The following APLP2 variants were observed in gnomAD, a reference collection of about 807,000 sequenced individuals.
APLP2 encodes the protein CDEI box-binding protein.
APLP2 carries 53 observed loss-of-function variants against 89.9 expected under a neutral mutation model. That is an observed-to-expected ratio of 0.59 (90% CI 0.47 to 0.74). APLP2 has a LOEUF of 0.74. Ranked by LOEUF, APLP2 falls within the 30% of genes least tolerant of loss-of-function variation. The pLI, the probability that APLP2 is intolerant of heterozygous loss-of-function variation, is 0.00. For synonymous variants in APLP2, 372 were observed against 348.6 expected, an observed-to-expected ratio of 1.07 and a Z score of -0.75; for missense variants, 973 against 975.9, an observed-to-expected ratio of 1.00 and a Z score of 0.04.
At chr11:130,140,212 CCT>C (rs1366841519) in intron 13 of APLP2, among the ~76,000 whole-genome samples, 184 bp from the exon 14 acceptor site, 3 of 152,196 alleles carry the variant, frequency 2.0e-5, no homozygotes, top group Admixed American at 2.0e-4. Flanking sequence ...TCTGCAAATG[CCT>C]GTCTCATTCA....
chr11:130,135,479 G>A lies in APLP2; in HGVS notation c.1685-84G>A, dbSNP rs755129884. ...AGGCAGGAACTGGGAGCCACAGTGGGGTCTTGGAGCTCTAGAGCATCCTGT... is the reference window on the plus strand; with the variant it reads ...AGGCAGGAACTGGGAGCCACAGTGGAGTCTTGGAGCTCTAGAGCATCCTGT... On this transcript the variant is annotated intron_variant, in intron 12 of 16. Transcript: ENST00000338167. 2.2e-5 allele frequency: 32 copies of A among 1,455,046 alleles called. 1 individual carries two copies. Among genetic ancestry groups the A allele is most frequent in the Non-Finnish European group, 2.6e-5 (28 of 1,068,110 alleles). The allele number at this position is 1,455,046 out of a possible 1,614,324, so 90.1% of individuals were successfully genotyped here. A position where few individuals can be genotyped will look rare whatever the true frequency, so the allele number is the denominator to read the frequency against.
intron 5 of APLP2, 119 bp from the exon 6 acceptor site, chr11:130,122,186 A>G: frequency 8.2e-7 from 1 of 1,212,446 alleles, no homozygotes. Flanking sequence ...GCACGGTGAA[A>G]TGTGCGTTGA....
intron 16 of APLP2, among the ~76,000 whole-genome samples, chr11:130,142,695 C>G (rs967957446): frequency 6.6e-6 from 1 of 152,116 alleles, no homozygotes; most frequent in Non-Finnish European, 1.5e-5. Flanking sequence ...CGCACTGCAA[C>G]CTCTGTCTCC....
chr11:130,140,524 G>A, intron 14 of APLP2, 41 bp downstream of exon 14: 2 of 1,535,060 alleles, frequency 1.3e-6, no homozygotes, highest in Non-Finnish European at 1.8e-6. Context: ...CTTTACTTTT[G>A]AGACTCATTA....
intron 1 of APLP2, chr11:130,070,462 G>C: frequency 5.2e-6 from 5 of 956,982 alleles, no homozygotes; most frequent in Non-Finnish European, 6.6e-6. Context: ...CGGAGTCCGC[G>C]GCTGGGCTTT....
chr11:130,126,612 T>C (rs1470536867), intron 7 of APLP2, 88 bp from the exon 8 acceptor site: 11 of 1,497,554 alleles, frequency 7.3e-6, no homozygotes, highest in Non-Finnish European at 9.2e-6. Flanking sequence ...ACAAATTGAG[T>C]CCATCCTGCA....
chr11:130,079,447 TG>T (rs1485177534), intron 1 of APLP2, among the ~76,000 whole-genome samples: 1 of 152,220 alleles, frequency 6.6e-6, no homozygotes, highest in African/African-American at 2.4e-5. Context: ...CTTCAATGTT[TG>T]GTAGATTTCT....
intron 1 of APLP2, among the ~76,000 whole-genome samples, chr11:130,084,479 T>G (rs1232845801): frequency 1.3e-5 from 2 of 152,216 alleles, no homozygotes; most frequent in East Asian, 3.8e-4. Flanking sequence ...GGATATTGGC[T>G]TATAGTGTTC....
At chr11:130,078,676 T>C (rs1359865858) in intron 1 of APLP2, among the ~76,000 whole-genome samples, 1 of 152,128 alleles carries the variant, frequency 6.6e-6, no homozygotes, top group African/African-American at 2.4e-5. Context: ...TTTCTGTTTT[T>C]TTCCTTATGG....
chr11:130,142,689 C>T lies in APLP2; in HGVS notation c.2154+615C>T, dbSNP rs1464029375. ...AGTGCAGTGGCGCGATCTCAGCGCA[C>T]TGCAACCTCTGTCTCCCGGGTTCAG... is the stretch of plus-strand genomic sequence containing the variant. On this transcript the variant is annotated intron_variant, in intron 16 of 16. Coordinates refer to ENST00000338167, the MANE Select transcript of APLP2 (RefSeq NM_001142276.2). 2.0e-5 allele frequency among the ~76,000 whole-genome samples: 3 copies of T among 152,186 alleles called. No homozygotes were observed. In the East Asian group the frequency reaches 5.8e-4, roughly 29 times the overall value.
intron 6 of APLP2, among the ~76,000 whole-genome samples, chr11:130,122,820 G>T (rs576080170): frequency 6.6e-6 from 1 of 152,276 alleles, no homozygotes; most frequent in South Asian, 2.1e-4. Context: ...CCTCCCCAAG[G>T]GGAGCTCCCC....
intron 12 of APLP2, 56 bp from the exon 13 acceptor site, chr11:130,135,507 C>G: frequency 3.1e-6 from 5 of 1,588,156 alleles, no homozygotes; most frequent in Non-Finnish European, 4.3e-6. Flanking sequence ...CATCCTGTGC[C>G]TGGACACCAG....
At position 130,121,635 on chromosome 11, in the gene APLP2, A is replaced by T; in HGVS notation, c.538A>T (p.Thr180Ser). The change falls in exon 5 of 17, where the codon ACC becomes TCC. Residue 180 changes from threonine to serine, a missense_variant. By Grantham distance (58) the Thr-to-Ser change is moderately conservative (BLOSUM62 1). Transcript: ENST00000338167. ...TTAGGCATGTCTGACTCAGGGAATG[A>T]CCTTATATAGCTACGGCATGCTGCT... Reference protein sequence around the residue: ...VKEACLTQGMTLYSYGMLLPC... With the variant: ...VKEACLTQGMSLYSYGMLLPC... 1 of 1,613,932 alleles carries T rather than the reference A, an allele frequency of 6.2e-7. No individual in the cohort carries two copies. The highest frequency in any genetic ancestry group is 8.5e-7 in the Non-Finnish European group (1 of 1,179,920).
intron 1 of APLP2, chr11:130,070,628 G>A: frequency 6.9e-7 from 1 of 1,452,150 alleles, no homozygotes; most frequent in South Asian, 1.3e-5. Flanking sequence ...GCGAGCCCCG[G>A]GGGAGCTCCC....
chr11:130,120,870 A>T, intron 4 of APLP2, 52 bp downstream of exon 4: 2 of 1,295,034 alleles, frequency 1.5e-6, no homozygotes, highest in Non-Finnish European at 2.2e-6. Flanking sequence ...TTAGGAGGGA[A>T]GTAGCACTTT....
Position 130,069,947 on chromosome 11 carries a change from A to G in APLP2, c.-31A>G. 6.8e-7 allele frequency: 1 copy of G among 1,475,558 alleles called. No homozygotes were observed. The highest frequency in any genetic ancestry group is 9.0e-7 in the Non-Finnish European group (1 of 1,107,620). 91.4% of individuals were successfully genotyped at this position (1,475,558 alleles called of 1,614,324 possible). The stretch of plus-strand genomic sequence containing the variant: ...CGAGGAGTCCGAGTGTGTGAGCTTG[A>G]GAGCCGCGCGCTAGAGCGACCCGGC... On this transcript the variant is annotated 5_prime_UTR_variant, in exon 1 of 17. Transcript: ENST00000338167.
chr11:130,143,806 A>G lies in APLP2; in HGVS notation c.*358A>G, dbSNP rs543285926. On this transcript the variant is annotated 3_prime_UTR_variant, in exon 17 of 17. Coordinates refer to ENST00000338167, the MANE Select transcript of APLP2 (RefSeq NM_001142276.2). ...GGGAAATGTCGATTTTCAATAATAG[A>G]CTTATATGCAGGCTGTCGTTCCGGT... 198 of 192,326 alleles carry G rather than the reference A, an allele frequency of 1.0e-3. No homozygotes were observed. The highest frequency in any genetic ancestry group is 4.3e-3 in the African/African-American group (181 of 42,554). The allele number at this position is 192,326 out of a possible 1,614,324, so 11.9% of individuals were successfully genotyped here.
intron 1 of APLP2, among the ~76,000 whole-genome samples, chr11:130,072,932 A>G (rs984964733): frequency 2.4e-4 from 36 of 152,178 alleles, no homozygotes; most frequent in Non-Finnish European, 3.7e-4. Flanking sequence ...GTGGTTATTG[A>G]GTCTGTAGGG....
intron 3 of APLP2, among the ~76,000 whole-genome samples, chr11:130,116,324 A>G (rs1443667426): frequency 3.3e-5 from 5 of 152,186 alleles, no homozygotes; most frequent in African/African-American, 4.8e-5. Flanking sequence ...CACATAAGCC[A>G]TATTTCTTGT....
Sources: gnomAD v4.1 joint callset for allele counts (sites outside exome capture counted in the v4.1 genomes callset) on GRCh38, gnomAD v4.1.1 for gene constraint, MANE v1.5 for transcripts, NCBI Gene and HGNC (gene_info 2026-07-23, HGNC 2026-07-21) for gene names.